LAMA4: variants seen among roughly 807,000 people sequenced by gnomAD.
LAMA4 encodes laminin subunit alpha-4.
LAMA4 carries 127 observed loss-of-function variants against 207.1 expected under a neutral mutation model. The ratio of observed to expected loss-of-function variants is 0.61; its 90% confidence interval spans 0.53 to 0.71. LAMA4 has a LOEUF of 0.71. Among genes scored for constraint, LAMA4 ranks in the 30% least tolerant of loss-of-function variants. The probability of loss-of-function intolerance (pLI) is 0.00; values close to 1 mark genes in which losing one functional copy is unlikely to be tolerated. For missense variants in LAMA4, 2,093 were observed against 2,246.5 expected, an observed-to-expected ratio of 0.93 and a Z score of 1.38; for synonymous variants, 761 against 816.0, an observed-to-expected ratio of 0.93 and a Z score of 1.15.
chr6:112,124,402 A>C (rs965619448), intron 31 of LAMA4, among the ~76,000 whole-genome samples: 4 of 152,248 alleles, frequency 2.6e-5, no homozygotes, highest in Non-Finnish European at 4.4e-5. Context: ...TGCAAAAATC[A>C]ATAAACTCGG....
chr6:112,183,248 C>G (rs544239225), intron 9 of LAMA4, among the ~76,000 whole-genome samples: 17 of 152,222 alleles, frequency 1.1e-4, no homozygotes, highest in Non-Finnish European at 2.2e-4. Context: ...ATCTAAGAAT[C>G]AGTCATGGAC....
chr6:112,126,326 T>G (rs1186889688), intron 31 of LAMA4, among the ~76,000 whole-genome samples: 2 of 152,084 alleles, frequency 1.3e-5, no homozygotes, highest in African/African-American at 2.4e-5. Context: ...ATAAAAAAAT[T>G]TTCAGGATAA....
chr6:112,235,314 T>A (rs1386696926), intron 2 of LAMA4, among the ~76,000 whole-genome samples: 1 of 152,198 alleles, frequency 6.6e-6, no homozygotes, highest in Non-Finnish European at 1.5e-5. Flanking sequence ...GAGAAACAGG[T>A]ATTATATATA....
chr6:112,206,436 CTT>C (rs1554354266), intron 4 of LAMA4, among the ~76,000 whole-genome samples: 3 of 152,202 alleles, frequency 2.0e-5, no homozygotes, highest in African/African-American at 7.2e-5. Flanking sequence ...CCATTGATGA[CTT>C]AATTACTGGA....
At chr6:112,229,625 A>G (rs1327209654) in intron 2 of LAMA4, among the ~76,000 whole-genome samples, 3 of 152,228 alleles carry the variant, frequency 2.0e-5, no homozygotes, top group Non-Finnish European at 4.4e-5. Flanking sequence ...TACAAGGCAT[A>G]TTTCTGGAAT....
chr6:112,225,968 C>G (rs1286987043), intron 2 of LAMA4, among the ~76,000 whole-genome samples: 2 of 152,126 alleles, frequency 1.3e-5, no homozygotes, highest in Non-Finnish European at 2.9e-5. Context: ...CCCTTGCGTC[C>G]TCCTGGGTTA....
Position 112,246,730 on chromosome 6 carries a change from C to T in LAMA4, c.195+7226G>A, listed in dbSNP as rs565744857. 2.0e-4 allele frequency among the ~76,000 whole-genome samples: 31 copies of T among 152,278 alleles called. 1 individual carries two copies. Among genetic ancestry groups the T allele is most frequent in the South Asian group, 2.1e-4 (1 of 4,824 alleles). On this transcript the variant is annotated intron_variant, in intron 2 of 38. Coordinates refer to ENST00000230538, the MANE Select transcript of LAMA4 (RefSeq NM_001105206.3). Reference sequence around the variant, plus strand: ...AGAGGCGGGGTCTCACCATCTTGGCCAGGCTGGTCTTGAACTCCTGACTTT... The same window carrying T: ...AGAGGCGGGGTCTCACCATCTTGGCTAGGCTGGTCTTGAACTCCTGACTTT...
intron 13 of LAMA4, among the ~76,000 whole-genome samples, chr6:112,161,325 TTTAAC>T (rs1554338325): frequency 6.6e-6 from 1 of 152,186 alleles, no homozygotes. Flanking sequence ...AGGAACTGAG[TTTAAC>T]TTATTTTTGT....
At chr6:112,226,211 T>C (rs1006497) in intron 2 of LAMA4, among the ~76,000 whole-genome samples, 28,410 of 152,178 alleles carry the variant, frequency 0.19, 2,890 homozygotes, top group Middle Eastern at 0.24. Flanking sequence ...TTAAAAACTC[T>C]TATCGTACTA....
intron 2 of LAMA4, among the ~76,000 whole-genome samples, chr6:112,217,195 G>A (rs1361629900): frequency 3.3e-5 from 5 of 152,136 alleles, no homozygotes; most frequent in African/African-American, 1.2e-4. Flanking sequence ...TGCACCAATT[G>A]ACCTGCACAA....
Position 112,119,315 on chromosome 6 carries a change from G to A in LAMA4, c.4666-4C>T, listed in dbSNP as rs1207438370. 1 of 1,613,312 alleles carries A rather than the reference G, an allele frequency of 6.2e-7. No individual in the cohort carries two copies. Among genetic ancestry groups the A allele is most frequent in the Non-Finnish European group, 8.5e-7 (1 of 1,179,784 alleles). On this transcript the variant is annotated splice_region_variant and splice_polypyrimidine_tract_variant and intron_variant, in intron 33 of 38. Transcript: ENST00000230538. ...TCCTTTCTCGAATAAATATCACCTGGATGAAGAGAAGGACAATAGCACATC... is the reference window on the plus strand; with the variant it reads ...TCCTTTCTCGAATAAATATCACCTGAATGAAGAGAAGGACAATAGCACATC...
chr6:112,163,017 G>A (rs1781155806), intron 13 of LAMA4, among the ~76,000 whole-genome samples: 1 of 146,156 alleles, frequency 6.8e-6, no homozygotes, highest in African/African-American at 2.6e-5. Flanking sequence ...TGTCACCCAG[G>A]CTGGAGTGCA....
At chr6:112,146,867 GA>G (rs1341144610) in intron 18 of LAMA4, among the ~76,000 whole-genome samples, 3 of 152,158 alleles carry the variant, frequency 2.0e-5, no homozygotes, top group Non-Finnish European at 2.9e-5. Context: ...ATTTATTTTA[GA>G]GTATACTAGT....
rs1777538338 is a variant in LAMA4 at position 112,108,570 on chromosome 6, C to T, written c.*867G>A. 6.6e-6 allele frequency among the ~76,000 whole-genome samples: 1 copy of T among 151,944 alleles called. No homozygotes were observed. The highest frequency in any genetic ancestry group is 1.5e-5 in the Non-Finnish European group (1 of 67,968). On this transcript the variant is annotated 3_prime_UTR_variant, in exon 39 of 39. Transcript: ENST00000230538. ...AAGTAGCTGGGACTACAGGTGTATGCCCATGTACAAATTTTTTTGCAGAGA... is the reference window on the plus strand; with the variant it reads ...AAGTAGCTGGGACTACAGGTGTATGTCCATGTACAAATTTTTTTGCAGAGA...
chr6:112,196,666 C>T (rs1241740695), intron 5 of LAMA4: 1 of 152,162 alleles, frequency 6.6e-6, no homozygotes, highest in Non-Finnish European at 1.5e-5. Flanking sequence ...TTTGCAATCT[C>T]TATTCAGCCA....
rs545124287 is a variant in LAMA4, at chr6:112,244,212, C to T, written c.195+9744G>A. On this transcript the variant is annotated intron_variant, in intron 2 of 38. Coordinates refer to ENST00000230538, the MANE Select transcript of LAMA4 (RefSeq NM_001105206.3). ...AGAAGCTGGCCAAACCACGCCAAAA[C>T]CAAGATGGTAATAAAAGCCACCTCT... 1.2e-3 allele frequency among the ~76,000 whole-genome samples: 181 copies of T among 152,284 alleles called. 1 individual carries two copies. The highest frequency in any genetic ancestry group is 4.0e-3 in the African/African-American group (168 of 41,564).
In LAMA4 at chr6:112,187,616, TTTC is replaced by T. The variant is rs781885923; in HGVS notation, c.815-18_815-16del. ...CTTATCACAGCCTGGAGGTGAAACA[TTTC>T]TTCAGAATCACAAGTCAAAAGCATG... On this transcript the variant is annotated splice_polypyrimidine_tract_variant and intron_variant, in intron 7 of 38. Transcript: ENST00000230538. The T allele has an allele frequency of 1.2e-6, 2 of 1,612,966 alleles. No homozygotes were observed. Among genetic ancestry groups the T allele is most frequent in the Non-Finnish European group, 1.7e-6 (2 of 1,179,542 alleles).
At chr6:112,182,266 G>T (rs1782411547) in intron 9 of LAMA4, among the ~76,000 whole-genome samples, 1 of 151,980 alleles carries the variant, frequency 6.6e-6, no homozygotes, top group Non-Finnish European at 1.5e-5. Flanking sequence ...TACATAGAAT[G>T]GTGTAGTATT....
rs781966924 is a variant in LAMA4 at position 112,132,770 on chromosome 6, A to G, written c.3817T>C (p.Phe1273Leu). ...FRTLQPNGLLFYYASGSDVFS... is the reference protein window; with the variant it reads ...FRTLQPNGLLLYYASGSDVFS... Reference sequence around the variant, plus strand: ...ACACTTACCCCTGAAGCATAATAGAATAGTAACCCATTTGGTTGTAATGTT... The same window carrying G: ...ACACTTACCCCTGAAGCATAATAGAGTAGTAACCCATTTGGTTGTAATGTT... Residue 1273 changes from phenylalanine (F) to leucine (L), a missense_variant, in exon 28 of 39, where the codon TTC becomes CTC. This residue lies in a region of LAMA4 where 1,704 missense variants were observed against 1,788.4 expected (regional missense o/e 0.95). Coordinates refer to ENST00000230538, the MANE Select transcript of LAMA4 (RefSeq NM_001105206.3). 26 of 1,613,016 alleles carry G rather than the reference A, an allele frequency of 1.6e-5. No individual in the cohort carries two copies. In the Admixed American group the frequency reaches 4.3e-4, roughly 27 times the overall value.
Sources: allele counts gnomAD v4.1 joint callset (sites outside exome capture counted in the v4.1 genomes callset), GRCh38; gene constraint gnomAD v4.1.1; regional missense constraint gnomAD v4.1.1; transcripts MANE v1.5; gene names NCBI Gene and HGNC (gene_info 2026-07-23, HGNC 2026-07-21).